Variants in TBC1D22A observed in about 807,000 individuals in gnomAD.
The protein encoded by TBC1D22A is putative GTPase activator.
TBC1D22A carries 38 observed loss-of-function variants against 60.2 expected under a neutral mutation model. That is an observed-to-expected ratio of 0.63 (90% confidence interval 0.49 to 0.83). The LOEUF (loss-of-function observed/expected upper bound fraction) is 0.83, where lower values mean the gene tolerates loss of function less well. Among genes scored for constraint, TBC1D22A ranks in the 40% least tolerant of loss-of-function variants. The pLI is 0.00. For missense variants in TBC1D22A, 628 were observed against 701.0 expected (o/e 0.90, Z 1.18); for synonymous variants, 302 against 281.7 (o/e 1.07, Z -0.72).
At position 47,152,430 on chromosome 22, in the gene TBC1D22A, G is replaced by C. The variant is rs992358460; in HGVS notation, c.1426-21068G>C. Among the ~76,000 whole-genome samples the C allele has an allele frequency of 4.6e-5, 7 of 152,166 alleles. No homozygotes were observed. In the East Asian group the frequency reaches 1.4e-3, roughly 29 times the overall value. The stretch of plus-strand genomic sequence containing the variant: ...TGGGTTCCTCCTCTGCTTGTGGCTG[G>C]CGGGCGTCGGTGGCTGGTCATGGCA... On this transcript the variant is annotated intron_variant, in intron 12 of 12. Transcript: ENST00000337137.
intron 7 of TBC1D22A, among the ~76,000 whole-genome samples, chr22:46,906,370 G>A (rs1294937063): frequency 6.6e-6 from 1 of 152,158 alleles, no homozygotes; most frequent in East Asian, 1.9e-4. Flanking sequence ...GTGGTTTGTG[G>A]CAGTGATTTA....
intron 12 of TBC1D22A, among the ~76,000 whole-genome samples, chr22:47,126,210 G>T (rs1243170573): frequency 6.6e-6 from 1 of 152,226 alleles, no homozygotes; most frequent in Non-Finnish European, 1.5e-5. Flanking sequence ...TTGAACTCCT[G>T]ACCTCAGGTA....
In TBC1D22A at chr22:47,097,205, G is replaced by A. The variant is rs372856384; in HGVS notation, c.1330-14303G>A. ...TGTCTGATACAGTCTTCACCTTGTCGTTTTGTCTTTGCAGTTGTCATGCTA... is the reference window on the plus strand; with the variant it reads ...TGTCTGATACAGTCTTCACCTTGTCATTTTGTCTTTGCAGTTGTCATGCTA... On this transcript the variant is annotated intron_variant, in intron 11 of 12. Transcript: ENST00000337137. Among the ~76,000 whole-genome samples, 16 of 152,314 alleles carry A rather than the reference G, an allele frequency of 1.1e-4. 1 individual carries two copies. Among genetic ancestry groups the A allele is most frequent in the South Asian group, 2.1e-4 (1 of 4,818 alleles).
intron 8 of TBC1D22A, among the ~76,000 whole-genome samples, chr22:46,920,489 TA>T (rs2070688686): frequency 6.6e-6 from 1 of 152,214 alleles, no homozygotes; most frequent in South Asian, 2.1e-4. Context: ...ATATATTCCC[TA>T]AAACTCATGG....
chr22:47,073,718 C>T (rs889971541), intron 11 of TBC1D22A, among the ~76,000 whole-genome samples: 5 of 152,190 alleles, frequency 3.3e-5, no homozygotes, highest in African/African-American at 1.2e-4. Context: ...GCACCAGACA[C>T]TCATTTTCTA....
At chr22:46,909,668 T>C (rs2069758525) in intron 7 of TBC1D22A, among the ~76,000 whole-genome samples, 1 of 152,082 alleles carries the variant, frequency 6.6e-6, no homozygotes, top group South Asian at 2.1e-4. Flanking sequence ...GCTCCTGTTC[T>C]TGTGTGGCCC....
intron 4 of TBC1D22A, among the ~76,000 whole-genome samples, chr22:46,848,668 A>G (rs1484018936): frequency 1.3e-5 from 2 of 152,184 alleles, no homozygotes; most frequent in African/African-American, 2.4e-5. Context: ...CTGTATGATG[A>G]TGTTTATGCT....
intron 4 of TBC1D22A, among the ~76,000 whole-genome samples, chr22:46,846,758 C>G (rs142907117): frequency 2.0e-5 from 3 of 151,748 alleles, no homozygotes; most frequent in South Asian, 2.1e-4. Flanking sequence ...CATCTTCACC[C>G]GGATTCGGCG....
At chr22:46,938,001 TTAAC>T (rs771797359) in intron 8 of TBC1D22A, among the ~76,000 whole-genome samples, 2 of 152,198 alleles carry the variant, frequency 1.3e-5, no homozygotes, top group African/African-American at 2.4e-5. Flanking sequence ...AAAAGGTACA[TTAAC>T]TAAAGTTCAT....
intron 8 of TBC1D22A, among the ~76,000 whole-genome samples, chr22:46,923,335 C>A (rs1008803616): frequency 6.6e-6 from 1 of 152,248 alleles, no homozygotes; most frequent in Admixed American, 6.5e-5. Context: ...TCCCAAGAGA[C>A]CAGTGGCTAT....
chr22:47,025,271 A>G (rs1269761438), intron 10 of TBC1D22A, among the ~76,000 whole-genome samples: 1 of 152,260 alleles, frequency 6.6e-6, no homozygotes, highest in Non-Finnish European at 1.5e-5. Flanking sequence ...TGATTTTTAT[A>G]GAAAATTCCA....
At chr22:46,942,039 T>C (rs1043542353) in intron 8 of TBC1D22A, among the ~76,000 whole-genome samples, 19 of 143,558 alleles carry the variant, frequency 1.3e-4, no homozygotes, top group Middle Eastern at 3.4e-3. Flanking sequence ...TATATATATA[T>C]ACACACAGTC....
rs183896908 is a variant in TBC1D22A at position 46,992,272 on chromosome 22, G to A, written c.1126-5362G>A. ...CTCCTGGCGGAGTCACACAGGACAC[G>A]CTGGATCCCTCCAGTGCGGGGCTGG... is the stretch of plus-strand genomic sequence containing the variant. On this transcript the variant is annotated intron_variant, in intron 9 of 12. Coordinates refer to ENST00000337137, the MANE Select transcript of TBC1D22A (RefSeq NM_014346.5). Among the ~76,000 whole-genome samples the A allele has an allele frequency of 1.0e-4, 16 of 152,382 alleles. No individual in the cohort carries two copies. In the South Asian group the frequency reaches 2.9e-3, roughly 28 times the overall value.
intron 4 of TBC1D22A, among the ~76,000 whole-genome samples, chr22:46,853,487 C>A (rs549509531): frequency 2.0e-5 from 3 of 152,040 alleles, no homozygotes; most frequent in Non-Finnish European, 4.4e-5. Context: ...TTGACTCTTT[C>A]GGGGGCTTCC....
At chr22:47,048,481 T>C (rs955354173) in intron 11 of TBC1D22A, among the ~76,000 whole-genome samples, 8 of 152,084 alleles carry the variant, frequency 5.3e-5, no homozygotes, top group Non-Finnish European at 1.2e-4. Flanking sequence ...GAGGCCTCCT[T>C]GGCAGGCAGA....
In TBC1D22A at chr22:46,932,720, C is replaced by CTTTTTTTTT. The variant is rs67463903; in HGVS notation, c.1015+20546_1015+20554dup. Among the ~76,000 whole-genome samples the CTTTTTTTTT allele has an allele frequency of 6.3e-3, 419 of 66,320 alleles. 41 individuals carry two copies. Among genetic ancestry groups the CTTTTTTTTT allele is most frequent in the African/African-American group, 0.027 (397 of 14,752 alleles). The allele number at this position is 66,320 out of a possible 152,430, so 43.5% of individuals were successfully genotyped here. On this transcript the variant is annotated intron_variant, in intron 8 of 12. Coordinates refer to ENST00000337137, the MANE Select transcript of TBC1D22A (RefSeq NM_014346.5). ...AGTGCAGTGTGCGTTGTCCTTCTTG[C>CTTTTTTTTT]TTTTTTTTTTTTTTTTTTTTTTGAG...
At chr22:46,962,469 C>G (rs1240652760) in intron 8 of TBC1D22A, among the ~76,000 whole-genome samples, 1 of 152,208 alleles carries the variant, frequency 6.6e-6, no homozygotes, top group East Asian at 1.9e-4. Flanking sequence ...ATAAAATGTT[C>G]TGCTCTTTCA....
At chr22:46,979,871 C>T (rs942292932) in intron 9 of TBC1D22A, among the ~76,000 whole-genome samples, 2 of 152,082 alleles carry the variant, frequency 1.3e-5, no homozygotes, top group African/African-American at 4.8e-5. Context: ...GGTCTAGGGA[C>T]CCCCAGGAGT....
chr22:46,928,815 A>G (rs2071190712), intron 8 of TBC1D22A, among the ~76,000 whole-genome samples: 1 of 152,264 alleles, frequency 6.6e-6, no homozygotes, highest in Non-Finnish European at 1.5e-5. Flanking sequence ...GGCCCACATC[A>G]TTAATCATTA....
Sources: allele counts gnomAD v4.1 joint callset (sites outside exome capture counted in the v4.1 genomes callset), GRCh38; gene constraint gnomAD v4.1.1; transcripts MANE v1.5; gene names NCBI Gene and HGNC (gene_info 2026-07-23, HGNC 2026-07-21).